Variants in RASSF8 observed in about 807,000 individuals in gnomAD.
RASSF8 encodes the protein ras association domain-containing protein 8.
Under a neutral mutation model 48.5 loss-of-function variants are expected in RASSF8, and 22 were observed. That is an observed-to-expected ratio of 0.45 (90% CI 0.32 to 0.65). The LOEUF (loss-of-function observed/expected upper bound fraction) is 0.65, where lower values mean the gene tolerates loss of function less well. RASSF8 is among the 30% of genes least tolerant of loss of function. The pLI is 0.03. For missense variants in RASSF8, 418 were observed against 489.2 expected, an observed-to-expected ratio of 0.85 and a Z score of 1.37; for synonymous variants, 127 against 171.5, an observed-to-expected ratio of 0.74 and a Z score of 2.03.
intron 2 of RASSF8, among the ~76,000 whole-genome samples, chr12:26,038,763 T>G (rs770789011): frequency 1.3e-5 from 2 of 152,138 alleles, no homozygotes; most frequent in African/African-American, 2.4e-5. Context: ...TTTTTGTTGG[T>G]TTTATTTAAT....
chr12:26,055,235 G>A lies in RASSF8; in HGVS notation c.-108-1G>A. ...ACAAGTGATTTTTTGCCCTTTTTTA[G>A]CTGACTACACAGACTTAGTCTTCTC... On this transcript the variant is annotated splice_acceptor_variant, in intron 2 of 5. Coordinates refer to ENST00000689635, the MANE Select transcript of RASSF8 (RefSeq NM_001394098.1). LOFTEE classifies it low-confidence loss of function (5UTR_SPLICE). The A allele has an allele frequency of 1.2e-6, 1 of 848,212 alleles. No homozygotes were observed. Among genetic ancestry groups the A allele is most frequent in the South Asian group, 1.5e-5 (1 of 68,008 alleles). The allele number at this position is 848,212 out of a possible 1,614,324, so 52.5% of individuals were successfully genotyped here.
chr12:26,071,361 T>C lies in RASSF8; in HGVS notation c.*2543T>C, dbSNP rs916694809. The C allele has an allele frequency of 1.0e-6, 1 of 961,288 alleles. No homozygotes were observed. The allele number at this position is 961,288 out of a possible 1,614,324, so 59.5% of individuals were successfully genotyped here. A position where few individuals can be genotyped will look rare whatever the true frequency, so the allele number is the denominator to read the frequency against. ...AATATAAAATTTTCATCTGGGGGAA[T>C]GTTCAGGTTCTAAATACTAAATTAG... On this transcript the variant is annotated 3_prime_UTR_variant, in exon 6 of 6. Transcript: ENST00000689635.
At chr12:26,029,752 C>T (rs955086297) in intron 2 of RASSF8, among the ~76,000 whole-genome samples, 3 of 152,084 alleles carry the variant, frequency 2.0e-5, no homozygotes, top group South Asian at 2.1e-4. Context: ...ATTATTATAA[C>T]AGAAAAACAG....
Position 26,019,599 on chromosome 12 carries a change from G to C in RASSF8, c.-109+24469G>C, listed in dbSNP as rs1037703247. Among the ~76,000 whole-genome samples the C allele has an allele frequency of 2.5e-4, 35 of 139,500 alleles. No homozygotes were observed. The East Asian group carries it at 2.9e-3, about 12-fold the overall frequency. The allele number at this position is 139,500 out of a possible 152,430, so 91.5% of individuals were successfully genotyped here. On this transcript the variant is annotated intron_variant, in intron 2 of 5. Transcript: ENST00000689635. The stretch of plus-strand genomic sequence containing the variant: ...TGTGTGTGTGTGTGTGTGTGTGTGT[G>C]TGTGTCTGTGTGTGTCTGTGTGTAT...
intron 2 of RASSF8, among the ~76,000 whole-genome samples, chr12:26,025,599 A>AAAAAG (rs1362395632): frequency 6.6e-6 from 1 of 151,646 alleles, no homozygotes; most frequent in Admixed American, 6.6e-5. Flanking sequence ...ATTGGAAAGG[A>AAAAAG]AAAAGAACTA....
intron 1 of RASSF8, among the ~76,000 whole-genome samples, chr12:25,993,333 T>C (rs2643938): frequency 0.9 from 137,088 of 152,260 alleles, 61,830 homozygotes; most frequent in East Asian, 0.99. Context: ...ATTTTATGGA[T>C]GAAGAAGATA....
At chr12:26,078,909 C>T (rs1018166436) in intron 5 of RASSF8, 3 of 776,022 alleles carry the variant, frequency 3.9e-6, no homozygotes, top group Admixed American at 3.9e-5. Context: ...AAAAAAAAGG[C>T]GCTAACCGAA....
rs1346905963 is a variant in RASSF8, at chr12:26,069,370, G to C, written c.*552G>C. On this transcript the variant is annotated 3_prime_UTR_variant, in exon 6 of 6. Coordinates refer to ENST00000689635, the MANE Select transcript of RASSF8 (RefSeq NM_001394098.1). ...AAGCTAACTCCACAGGAAGCCACTT[G>C]CATTTGTTTTGTGAAACTGTCCTAG... 2 of 985,018 alleles carry C rather than the reference G, an allele frequency of 2.0e-6. No homozygotes were observed. Among genetic ancestry groups the C allele is most frequent in the African/African-American group, 3.5e-5 (2 of 57,358 alleles). 61.0% of individuals were successfully genotyped at this position (985,018 alleles called of 1,614,324 possible). A position where few individuals can be genotyped will look rare whatever the true frequency, so the allele number is the denominator to read the frequency against.
In RASSF8 at chr12:25,970,409, C is replaced by T. The variant is rs187957888; in HGVS notation, c.-203+11261C>T. Reference sequence around the variant, plus strand: ...CCATCTTACTCTTAATATTGTCTTTCCTATGCCACCTCACCTTGAGTAATT... The same window carrying T: ...CCATCTTACTCTTAATATTGTCTTTTCTATGCCACCTCACCTTGAGTAATT... On this transcript the variant is annotated intron_variant, in intron 1 of 5. Transcript: ENST00000689635. Among the ~76,000 whole-genome samples the T allele has an allele frequency of 1.3e-3, 205 of 152,268 alleles. 3 individuals are homozygous for T. The Middle Eastern group carries it at 0.037, about 28-fold the overall frequency.
intron 1 of RASSF8, among the ~76,000 whole-genome samples, chr12:25,977,481 G>C (rs1280317472): frequency 6.6e-6 from 1 of 151,326 alleles, no homozygotes; most frequent in Non-Finnish European, 1.5e-5. Context: ...TGATTATTTT[G>C]ATTTTTTTTT....
intron 2 of RASSF8, among the ~76,000 whole-genome samples, chr12:26,035,487 T>TATAAG (rs1365928474): frequency 8.3e-6 from 1 of 120,186 alleles, no homozygotes; most frequent in African/African-American, 2.8e-5. Context: ...AATTATATAA[T>TATAAG]TATATGAAAT....
intron 1 of RASSF8, among the ~76,000 whole-genome samples, chr12:25,966,118 C>T (rs1459156694): frequency 6.6e-6 from 1 of 152,138 alleles, no homozygotes; most frequent in African/African-American, 2.4e-5. Flanking sequence ...AAACTGTTTT[C>T]CCAAGTGATT....
At chr12:26,051,141 C>T (rs78390347) in intron 2 of RASSF8, among the ~76,000 whole-genome samples, 7,867 of 152,040 alleles carry the variant, frequency 0.052, 254 homozygotes, top group East Asian at 0.12. Context: ...TTAAACTCTC[C>T]GAGACTCACT....
At chr12:25,969,358 T>C (rs144939111) in intron 1 of RASSF8, among the ~76,000 whole-genome samples, 203 of 152,286 alleles carry the variant, frequency 1.3e-3, no homozygotes, top group African/African-American at 4.6e-3. Flanking sequence ...GAGATAGTAA[T>C]GATACCTGTC....
rs955844675 is a variant in RASSF8 at position 26,071,037 on chromosome 12, A to G, written c.*2219A>G. 41 of 985,116 alleles carry G rather than the reference A, an allele frequency of 4.2e-5. No homozygotes were observed. In the African/African-American group the frequency reaches 6.6e-4, roughly 16 times the overall value. The allele number at this position is 985,116 out of a possible 1,614,324, so 61.0% of individuals were successfully genotyped here. ...ATTTCCAAGCTGCCAAATAATCTTC[A>G]TAGACCTAATTACAGATTTAAAAAA... is the stretch of plus-strand genomic sequence containing the variant. On this transcript the variant is annotated 3_prime_UTR_variant, in exon 6 of 6. Transcript: ENST00000689635.
exon 6 of RASSF8, chr12:26,079,435 T>C (rs10734753): frequency 0.97 from 150,709 of 155,772 alleles, 72,931 homozygotes; most frequent in East Asian, 0.99. Flanking sequence ...ACTAAAAATA[T>C]GAAACATTAG....
intron 2 of RASSF8, among the ~76,000 whole-genome samples, chr12:26,032,735 C>T (rs1001986274): frequency 3.9e-5 from 6 of 152,136 alleles, no homozygotes; most frequent in Non-Finnish European, 8.8e-5. Context: ...CATCTATAAT[C>T]ATTTAAAGCA....
At chr12:26,000,982 CTT>C (rs34793650) in intron 2 of RASSF8, among the ~76,000 whole-genome samples, 249 of 81,030 alleles carry the variant, frequency 3.1e-3, no homozygotes, top group African/African-American at 9.9e-3. Flanking sequence ...TTAAAATTTC[CTT>C]TTTTTTTTTT....
chr12:26,023,094 T>C (rs1942825879), intron 2 of RASSF8, among the ~76,000 whole-genome samples: 1 of 151,826 alleles, frequency 6.6e-6, no homozygotes, highest in African/African-American at 2.4e-5. Flanking sequence ...TGAAGATAGA[T>C]AGGTAAAGAT....
Sources: gnomAD v4.1 joint callset for allele counts (sites outside exome capture counted in the v4.1 genomes callset) on GRCh38, gnomAD v4.1.1 for gene constraint, MANE v1.5 for transcripts, NCBI Gene and HGNC (gene_info 2026-07-23, HGNC 2026-07-21) for gene names.